CLASP1: variants seen among roughly 807,000 people sequenced by gnomAD.
CLASP1 encodes the protein CLIP-associating protein 1.
A neutral mutation model predicts 192.3 loss-of-function variants in CLASP1; 38 were observed. That is an observed-to-expected ratio of 0.20 (90% CI 0.15 to 0.26). The LOEUF is 0.26. CLASP1 is among the 10% of genes least tolerant of loss of function. CLASP1 has a pLI of 1.00. For synonymous variants in CLASP1, 691 were observed against 712.8 expected (o/e 0.97, Z 0.49); for missense variants, 1,433 against 1,932.5 (o/e 0.74, Z 4.85).
chr2:121,590,709 T>C (rs2062287258), intron 2 of CLASP1, among the ~76,000 whole-genome samples: 1 of 152,174 alleles, frequency 6.6e-6, no homozygotes, highest in East Asian at 1.9e-4. Flanking sequence ...GCAAAAATCA[T>C]CTAAGCAGCC....
chr2:121,417,661 T>C (rs1377058975), intron 23 of CLASP1, among the ~76,000 whole-genome samples: 1 of 152,204 alleles, frequency 6.6e-6, no homozygotes, highest in Non-Finnish European at 1.5e-5. Context: ...CCTGTTCTTT[T>C]TCAGAATTTC....
At chr2:121,447,478 T>C in exon 19 of CLASP1, 1 of 1,554,576 alleles carries the variant, frequency 6.4e-7, no homozygotes, top group East Asian at 2.4e-5. Context: ...GACCCAGTCG[T>C]TGACACAGAT....
chr2:121,552,650 C>T (rs2058146078), intron 2 of CLASP1, among the ~76,000 whole-genome samples: 1 of 152,190 alleles, frequency 6.6e-6, no homozygotes, highest in Admixed American at 6.5e-5. Flanking sequence ...GAGATACCAT[C>T]TCACACAGTC....
Position 121,469,802 on chromosome 2 carries a change from A to G in CLASP1, c.865+6T>C, listed in dbSNP as rs577968743. 1 of 1,610,540 alleles carries G rather than the reference A, an allele frequency of 6.2e-7. No homozygotes were observed. The highest frequency in any genetic ancestry group is 1.3e-5 in the African/African-American group (1 of 74,746). Reference sequence around the variant, plus strand: ...CCCCAGAACGCCACACAGGGCTTAGACTAACCTGAAGACTTGGATCCAAGG... The same window carrying G: ...CCCCAGAACGCCACACAGGGCTTAGGCTAACCTGAAGACTTGGATCCAAGG... On this transcript the variant is annotated splice_donor_region_variant and intron_variant, in intron 9 of 39. Transcript: ENST00000263710.
intron 21 of CLASP1, 104 bp from the exon 22 acceptor site, chr2:121,425,410 C>A: frequency 1.1e-6 from 1 of 901,110 alleles, no homozygotes; most frequent in Non-Finnish European, 1.6e-6. Flanking sequence ...CTAAAATACA[C>A]AATTTTATAT....
At chr2:121,530,379 C>T (rs2094739942) in intron 2 of CLASP1, 54 bp from the exon 3 acceptor site, 1 of 1,407,208 alleles carries the variant, frequency 7.1e-7, no homozygotes. Context: ...GGGCAGCGCT[C>T]CCGCCCACCC....
intron 2 of CLASP1, among the ~76,000 whole-genome samples, chr2:121,546,747 AG>A (rs2057473877): frequency 6.6e-6 from 1 of 152,144 alleles, no homozygotes; most frequent in African/African-American, 2.4e-5. Context: ...TCTGGGCTTC[AG>A]GGCAAAAGGA....
At chr2:121,384,678 C>A (rs901862344) in intron 32 of CLASP1, among the ~76,000 whole-genome samples, 1 of 151,928 alleles carries the variant, frequency 6.6e-6, no homozygotes, top group Non-Finnish European at 1.5e-5. Flanking sequence ...CAGAGGTGGG[C>A]GGATCACCTG....
chr2:121,470,035 CT>C, intron 8 of CLASP1, 75 bp from the exon 9 acceptor site: 1 of 1,170,450 alleles, frequency 8.5e-7, no homozygotes, highest in Non-Finnish European at 1.2e-6. Context: ...ACTTTTTCAC[CT>C]GATTATAAAA....
At chr2:121,638,671 T>TTA (rs1553683979) in intron 1 of CLASP1, among the ~76,000 whole-genome samples, 47 of 118,104 alleles carry the variant, frequency 4.0e-4, no homozygotes, top group African/African-American at 1.7e-3. Context: ...TTCTTTTTTA[T>TTA]TTTTTTTTTT....
intron 19 of CLASP1, among the ~76,000 whole-genome samples, chr2:121,446,301 T>A (rs2084335789): frequency 6.6e-6 from 1 of 152,248 alleles, no homozygotes; most frequent in Admixed American, 6.5e-5. Flanking sequence ...TAGGTGGCTA[T>A]TATTACAAGT....
chr2:121,589,811 G>A (rs2062173642), intron 2 of CLASP1, among the ~76,000 whole-genome samples: 1 of 151,586 alleles, frequency 6.6e-6, no homozygotes, highest in African/African-American at 2.4e-5. Flanking sequence ...TCTATTGGGA[G>A]ATAAATCAAT....
chr2:121,609,656 G>A (rs1039852092), intron 1 of CLASP1, among the ~76,000 whole-genome samples: 7 of 152,126 alleles, frequency 4.6e-5, no homozygotes, highest in Admixed American at 3.3e-4. Context: ...TTAAAAGCAA[G>A]TAATGGCCGG....
At chr2:121,429,684 A>T (rs565961609) in intron 20 of CLASP1, among the ~76,000 whole-genome samples, 195 of 152,342 alleles carry the variant, frequency 1.3e-3, no homozygotes, top group Non-Finnish European at 2.4e-3. Context: ...TTACTTATTT[A>T]CCACTGGAAA....
At position 121,430,010 on chromosome 2, in the gene CLASP1, C is replaced by G. The variant is rs1005341895; in HGVS notation, c.2017+63G>C. The G allele has an allele frequency of 3.2e-6, 4 of 1,250,686 alleles. No homozygotes were observed. The Admixed American group carries it at 8.1e-5, about 25-fold the overall frequency. 77.5% of individuals were successfully genotyped at this position (1,250,686 alleles called of 1,614,324 possible). ...GTCAATATAGAGATTGTAAAATGTTCAACTGCAGAATGAGCTGTTGAATAA... is the reference window on the plus strand; with the variant it reads ...GTCAATATAGAGATTGTAAAATGTTGAACTGCAGAATGAGCTGTTGAATAA... On this transcript the variant is annotated intron_variant, in intron 20 of 39. Transcript: ENST00000263710.
In CLASP1 at chr2:121,425,339, G is replaced by T. The variant is rs758154983; in HGVS notation, c.2045-33C>A. On this transcript the variant is annotated intron_variant, in intron 21 of 39. Transcript: ENST00000263710. ...TGAAGCAAAATGACAATGAATAATA[G>T]ATGTAAATGTAGGAATGAACTATAA... The T allele has an allele frequency of 1.9e-6, 3 of 1,594,486 alleles. No homozygotes were observed. In the South Asian group the frequency reaches 3.4e-5, roughly 18 times the overall value.
chr2:121,511,962 A>G (rs2094149253), intron 7 of CLASP1, among the ~76,000 whole-genome samples: 1 of 152,260 alleles, frequency 6.6e-6, no homozygotes. Context: ...ATTTTAAAGT[A>G]CCAATTTTCC....
At chr2:121,619,078 A>G (rs2066910688) in intron 1 of CLASP1, among the ~76,000 whole-genome samples, 1 of 152,224 alleles carries the variant, frequency 6.6e-6, no homozygotes, top group Non-Finnish European at 1.5e-5. Flanking sequence ...CTCATTCTCT[A>G]TCCCTCACTC....
intron 38 of CLASP1, among the ~76,000 whole-genome samples, 152 bp downstream of exon 39, chr2:121,348,359 TG>T (rs1472209964): frequency 6.6e-6 from 1 of 152,232 alleles, no homozygotes; most frequent in East Asian, 1.9e-4. Flanking sequence ...CAGAGGAGGC[TG>T]TGAAGTGTCC....
Sources: gnomAD v4.1 joint callset for allele counts (sites outside exome capture counted in the v4.1 genomes callset) on GRCh38, gnomAD v4.1.1 for gene constraint, MANE v1.5 for transcripts, NCBI Gene and HGNC (gene_info 2026-07-23, HGNC 2026-07-21) for gene names.